Variants in EEFSEC observed in about 807,000 individuals in gnomAD.
The protein encoded by EEFSEC is eukaryotic elongation factor, selenocysteine-tRNA specific, also known as selenocysteine-specific elongation factor.
A neutral mutation model predicts 42.1 loss-of-function variants in EEFSEC; 43 were observed. The observed-to-expected ratio is 1.02, with a 90% confidence interval of 0.80 to 1.32. The LOEUF is 1.32. EEFSEC is among the 40% of genes most tolerant of loss of function. The pLI is 0.00. For missense variants in EEFSEC, 745 were observed against 803.6 expected (o/e 0.93, Z 0.88); for synonymous variants, 354 against 339.1 (o/e 1.04, Z -0.48).
intron 4 of EEFSEC, among the ~76,000 whole-genome samples, chr3:128,293,679 A>AAAAAACAAAAAAC: frequency 7.5e-6 from 1 of 133,452 alleles, no homozygotes; most frequent in South Asian, 2.4e-4. Context: ...AAAAAAAAAA[A>AAAAAACAAAAAAC]AAAAAAAACT....
chr3:128,346,395 C>T (rs2067312405), intron 5 of EEFSEC, among the ~76,000 whole-genome samples: 2 of 152,156 alleles, frequency 1.3e-5, no homozygotes, highest in Non-Finnish European at 1.5e-5. Context: ...TATTGTTTTG[C>T]GTGTCTGCTA....
At chr3:128,188,853 G>C (rs2065491096) in intron 1 of EEFSEC, among the ~76,000 whole-genome samples, 1 of 152,096 alleles carries the variant, frequency 6.6e-6, no homozygotes, top group African/African-American at 2.4e-5. Flanking sequence ...TCCCAGCCTT[G>C]CCCACCTGTT....
intron 1 of EEFSEC, among the ~76,000 whole-genome samples, chr3:128,240,139 TC>T (rs1383394198): frequency 1.3e-5 from 2 of 152,314 alleles, no homozygotes; most frequent in Admixed American, 6.5e-5. Context: ...CCTTCTCTCC[TC>T]CCCTTTCCCC....
intron 4 of EEFSEC, among the ~76,000 whole-genome samples, chr3:128,301,831 A>C (rs537876801): frequency 1.3e-5 from 2 of 152,226 alleles, no homozygotes; most frequent in African/African-American, 4.8e-5. Context: ...GTAGAGCAGC[A>C]GTTCCTGGGA....
chr3:128,263,773 A>T (rs980368389), intron 3 of EEFSEC, among the ~76,000 whole-genome samples: 5 of 152,046 alleles, frequency 3.3e-5, no homozygotes, highest in Non-Finnish European at 5.9e-5. Flanking sequence ...TCATTTGTTT[A>T]TTGGTGATGA....
At chr3:128,414,822 G>A in the EEFSEC span, among the ~76,000 whole-genome samples, 7 of 152,226 alleles carry the variant, frequency 4.6e-5, no homozygotes, top group East Asian at 1.9e-4. Context: ...GGAGGGAGAC[G>A]CCATGCCCAG....
intron 6 of EEFSEC, among the ~76,000 whole-genome samples, chr3:128,401,636 G>T (rs940675713): frequency 6.6e-6 from 1 of 152,212 alleles, no homozygotes; most frequent in African/African-American, 2.4e-5. Context: ...GGGAGGAGGG[G>T]TGAGGCTGAG....
chr3:128,364,081 T>C (rs982171601), intron 6 of EEFSEC, among the ~76,000 whole-genome samples: 3 of 152,142 alleles, frequency 2.0e-5, no homozygotes, highest in African/African-American at 7.2e-5. Flanking sequence ...GAGAATTGCT[T>C]GAAGCCAGGA....
intron 6 of EEFSEC, among the ~76,000 whole-genome samples, chr3:128,399,083 TAAA>T (rs57014921): frequency 0.017 from 2,248 of 133,570 alleles, 52 homozygotes; most frequent in African/African-American, 0.07. Flanking sequence ...AAAAAATAAA[TAAA>T]TAAATAAATA....
chr3:128,363,301 G>T (rs548446166), intron 6 of EEFSEC, among the ~76,000 whole-genome samples: 1 of 152,224 alleles, frequency 6.6e-6, no homozygotes. Flanking sequence ...GGCACTCAGC[G>T]CAAGAAAGCC....
At chr3:128,241,014 G>T (rs758443590) in intron 1 of EEFSEC, among the ~76,000 whole-genome samples, 2 of 152,156 alleles carry the variant, frequency 1.3e-5, no homozygotes, top group Non-Finnish European at 2.9e-5. Flanking sequence ...GTTTTGTCCT[G>T]GAACACCCGC....
intron 4 of EEFSEC, among the ~76,000 whole-genome samples, chr3:128,277,475 T>C (rs1340470188): frequency 6.6e-6 from 1 of 152,180 alleles, no homozygotes; most frequent in South Asian, 2.1e-4. Context: ...TGTTTTTGTT[T>C]TTGTGTGCGT....
chr3:128,175,917 C>T (rs551665650), intron 1 of EEFSEC, among the ~76,000 whole-genome samples: 101 of 152,330 alleles, frequency 6.6e-4, no homozygotes, highest in Middle Eastern at 3.4e-3. Flanking sequence ...TGCTGGTCCA[C>T]GTTTGAATCC....
At chr3:128,343,693 A>G (rs1559931124) in intron 5 of EEFSEC, among the ~76,000 whole-genome samples, 1 of 152,152 alleles carries the variant, frequency 6.6e-6, no homozygotes, top group Non-Finnish European at 1.5e-5. Context: ...TGCAGCAGTC[A>G]CTTCCTTTGA....
intron 4 of EEFSEC, among the ~76,000 whole-genome samples, chr3:128,313,135 TTTTCCTATTCCTGCC>T (rs1270677321): frequency 6.6e-6 from 1 of 152,146 alleles, no homozygotes; most frequent in African/African-American, 2.4e-5. Flanking sequence ...AGAAACTGGT[TTTTCCTATTCCTGCC>T]AGCTCTTGGA....
chr3:128,170,791 A>G (rs969660193), intron 1 of EEFSEC, among the ~76,000 whole-genome samples: 1 of 152,254 alleles, frequency 6.6e-6, no homozygotes, highest in East Asian at 1.9e-4. Context: ...AATAGTTTCT[A>G]AAAGTTTTTA....
intron 4 of EEFSEC, among the ~76,000 whole-genome samples, chr3:128,340,376 AT>A (rs2067237050): frequency 6.7e-6 from 1 of 149,812 alleles, no homozygotes. Flanking sequence ...ATATTATATA[AT>A]TATATTAATA....
At chr3:128,393,363 G>T (rs748372862) in intron 6 of EEFSEC, among the ~76,000 whole-genome samples, 2 of 152,220 alleles carry the variant, frequency 1.3e-5, no homozygotes, top group Non-Finnish European at 2.9e-5. Context: ...ACACACGCTG[G>T]TGTGTCCCAG....
intron 1 of EEFSEC, among the ~76,000 whole-genome samples, chr3:128,208,174 C>T (rs1162529946): frequency 6.6e-6 from 1 of 152,184 alleles, no homozygotes; most frequent in African/African-American, 2.4e-5. Flanking sequence ...GGGGCTGCCT[C>T]AAGTTTCCAG....
Sources: gnomAD v4.1 joint callset for allele counts (sites outside exome capture counted in the v4.1 genomes callset) on GRCh38, gnomAD v4.1.1 for gene constraint, MANE v1.5 for transcripts, NCBI Gene and HGNC (gene_info 2026-07-23, HGNC 2026-07-21) for gene names.